Variants in RAPGEF2 observed in about 807,000 individuals in gnomAD.
The protein encoded by RAPGEF2 is PDZ domain containing guanine nucleotide exchange factor (GEF) 1.
In RAPGEF2, 54 loss-of-function variants were observed where a neutral mutation model predicts 186.7. The observed-to-expected ratio is 0.29, with a 90% confidence interval of 0.23 to 0.36. RAPGEF2 has a LOEUF of 0.36. Ranked by LOEUF, RAPGEF2 falls within the 10% of genes least tolerant of loss-of-function variation. The pLI, the probability that RAPGEF2 is intolerant of heterozygous loss-of-function variation, is 1.00. For synonymous variants in RAPGEF2, 712 were observed against 705.9 expected (o/e 1.01, Z -0.14); for missense variants, 1,532 against 2,045.0 (o/e 0.75, Z 4.84).
chr4:159,108,665 A>G (rs1028150362), intron 1 of RAPGEF2, among the ~76,000 whole-genome samples: 8 of 152,262 alleles, frequency 5.3e-5, no homozygotes, highest in Admixed American at 3.3e-4. Flanking sequence ...AAGAATCACA[A>G]TAAGGTCTTT....
rs1554025029 is a variant in RAPGEF2, at chr4:159,280,986, C to CTTCTTT, written c.544-23354_544-23353insCTTTTT. Among the ~76,000 whole-genome samples, 4 of 142,378 alleles carry CTTCTTT rather than the reference C, an allele frequency of 2.8e-5. 1 individual carries two copies. The highest frequency in any genetic ancestry group is 2.6e-5 in the African/African-American group (1 of 38,826). 93.4% of individuals were successfully genotyped at this position (142,378 alleles called of 152,430 possible). On this transcript the variant is annotated intron_variant, in intron 7 of 29. Transcript: ENST00000691494. ...GCGTAGACAAGTAATTTAACTACTTCTTTTTTTTTTTTTTTCCTGAGACGG... is the reference window on the plus strand; with the variant it reads ...GCGTAGACAAGTAATTTAACTACTTCTTCTTTTTTTTTTTTTTTTTTCCTGAGACGG...
At chr4:159,193,756 T>A (rs969752151) in intron 3 of RAPGEF2, among the ~76,000 whole-genome samples, 5 of 152,236 alleles carry the variant, frequency 3.3e-5, no homozygotes, top group Non-Finnish European at 4.4e-5. Context: ...AGCGTATTCT[T>A]AAAGAATATA....
intron 5 of RAPGEF2, among the ~76,000 whole-genome samples, chr4:159,239,579 AT>A (rs1238955985): frequency 2.6e-5 from 4 of 152,230 alleles, no homozygotes; most frequent in Non-Finnish European, 5.9e-5. Flanking sequence ...TATTGTTAAA[AT>A]AGATATTAGC....
chr4:159,316,926 C>T (rs1764675152), intron 9 of RAPGEF2, among the ~76,000 whole-genome samples: 1 of 152,166 alleles, frequency 6.6e-6, no homozygotes. Flanking sequence ...GAGCAACTTC[C>T]GTTGAGAGTC....
intron 1 of RAPGEF2, among the ~76,000 whole-genome samples, chr4:159,155,494 T>C (rs1744016075): frequency 6.6e-6 from 1 of 151,540 alleles, no homozygotes; most frequent in Non-Finnish European, 1.5e-5. Flanking sequence ...AGTTTCTTTG[T>C]AAGAAGTTTC....
Position 159,353,397 on chromosome 4 carries a change from T to C in RAPGEF2, c.4092-90T>C, listed in dbSNP as rs1026174174. 2.2e-5 allele frequency: 24 copies of C among 1,075,712 alleles called. No individual in the cohort carries two copies. The highest frequency in any genetic ancestry group is 3.0e-5 in the Non-Finnish European group (24 of 794,648). 66.6% of individuals were successfully genotyped at this position (1,075,712 alleles called of 1,614,324 possible). Reference sequence around the variant, plus strand: ...TTCTGGGATGAAAGCAAGCTACCTTTCTAGGAAAAAGGGTATTTTGGTTTT... The same window carrying C: ...TTCTGGGATGAAAGCAAGCTACCTTCCTAGGAAAAAGGGTATTTTGGTTTT... On this transcript the variant is annotated intron_variant, in intron 27 of 29. Coordinates refer to ENST00000691494, the MANE Select transcript of RAPGEF2 (RefSeq NM_001394067.2). This position sits in a 1 kb window ranked among gnomAD's most constrained non-coding sequence, Gnocchi z 4.3.
intron 7 of RAPGEF2, among the ~76,000 whole-genome samples, chr4:159,277,540 C>A (rs1759077937): frequency 6.6e-6 from 1 of 152,174 alleles, no homozygotes; most frequent in Non-Finnish European, 1.5e-5. Flanking sequence ...ACAGTCCCAC[C>A]AACAGTGTAA....
chr4:159,260,001 T>G lies in RAPGEF2; in HGVS notation c.543+16210T>G, dbSNP rs564153111. ...TTTGTTTTTATTATTATTTATTTATTTATTTTACTTTTTTGAGACAGGGTC... is the reference window on the plus strand; with the variant it reads ...TTTGTTTTTATTATTATTTATTTATGTATTTTACTTTTTTGAGACAGGGTC... On this transcript the variant is annotated intron_variant, in intron 7 of 29. Coordinates refer to ENST00000691494, the MANE Select transcript of RAPGEF2 (RefSeq NM_001394067.2). Among the ~76,000 whole-genome samples, 9 of 152,242 alleles carry G rather than the reference T, an allele frequency of 5.9e-5. No homozygotes were observed. The East Asian group carries it at 1.5e-3, about 26-fold the overall frequency.
intron 4 of RAPGEF2, among the ~76,000 whole-genome samples, chr4:159,228,917 GA>G (rs1456103814): frequency 6.6e-6 from 1 of 152,028 alleles, no homozygotes; most frequent in African/African-American, 2.4e-5. Flanking sequence ...TTTGAGAATG[GA>G]ATTGATGGCA....
intron 4 of RAPGEF2, among the ~76,000 whole-genome samples, chr4:159,218,120 G>T (rs1751154676): frequency 6.6e-6 from 1 of 152,178 alleles, no homozygotes; most frequent in Admixed American, 6.5e-5. Flanking sequence ...TTACAGAAGG[G>T]TAACTTTATT....
chr4:159,111,068 A>G (rs911573958), intron 1 of RAPGEF2, among the ~76,000 whole-genome samples: 1 of 149,888 alleles, frequency 6.7e-6, no homozygotes, highest in Non-Finnish European at 1.5e-5. Flanking sequence ...GCCACTACCT[A>G]CTGAATTTTA....
chr4:159,199,470 G>GTT (rs112495121), intron 3 of RAPGEF2, among the ~76,000 whole-genome samples: 22 of 145,564 alleles, frequency 1.5e-4, no homozygotes, highest in Admixed American at 5.5e-4. Flanking sequence ...GTTCCCGATG[G>GTT]TTTTTTTTTT....
chr4:159,140,583 G>GATA (rs774569151), intron 1 of RAPGEF2, among the ~76,000 whole-genome samples: 6 of 152,130 alleles, frequency 3.9e-5, no homozygotes, highest in Non-Finnish European at 8.8e-5. Context: ...TAGAGAAGTG[G>GATA]ATAACCAAGG....
chr4:159,116,339 A>G (rs183594719), intron 1 of RAPGEF2, among the ~76,000 whole-genome samples: 6 of 152,350 alleles, frequency 3.9e-5, no homozygotes, highest in South Asian at 2.1e-4. Context: ...AAAAAGCTCA[A>G]CATCACTGAT....
intron 1 of RAPGEF2, among the ~76,000 whole-genome samples, chr4:159,181,171 T>C (rs562807973): frequency 1.4e-4 from 21 of 152,322 alleles, no homozygotes; most frequent in African/African-American, 5.1e-4. Flanking sequence ...GCTAGCTTTT[T>C]ATCTTTGATT....
At chr4:159,336,690 T>C (rs1337209384) in intron 17 of RAPGEF2, among the ~76,000 whole-genome samples, 1 of 152,178 alleles carries the variant, frequency 6.6e-6, no homozygotes, top group Non-Finnish European at 1.5e-5. Flanking sequence ...AATTTTTGTC[T>C]TTAAAAAATG....
At chr4:159,118,078 CCA>C (rs1161695957) in intron 1 of RAPGEF2, among the ~76,000 whole-genome samples, 1 of 152,058 alleles carries the variant, frequency 6.6e-6, no homozygotes, top group African/African-American at 2.4e-5. Flanking sequence ...AACCCCTGGG[CCA>C]CAGACTGGTA....
At position 159,200,367 on chromosome 4, in the gene RAPGEF2, C is replaced by T. The variant is rs1749275238; in HGVS notation, c.197+7111C>T. Among the ~76,000 whole-genome samples the T allele has an allele frequency of 2.0e-5, 3 of 152,050 alleles. 1 individual carries two copies. In the South Asian group the frequency reaches 6.2e-4, roughly 32 times the overall value. On this transcript the variant is annotated intron_variant, in intron 3 of 29. Transcript: ENST00000691494. ...TGTGGTCCCAGCACTGCTCAGGAGG[C>T]TGAGGTGGGAAGGTCACTTGAGCCT...
At chr4:159,179,394 TTC>T (rs1746788513) in intron 1 of RAPGEF2, among the ~76,000 whole-genome samples, 1 of 152,128 alleles carries the variant, frequency 6.6e-6, no homozygotes, top group African/African-American at 2.4e-5. Context: ...TGAAATTTCC[TTC>T]TATGAATGTT....
Sources: gnomAD v4.1 joint callset for allele counts (sites outside exome capture counted in the v4.1 genomes callset) on GRCh38, gnomAD v4.1.1 for gene constraint, Gnocchi (gnomAD v3.1) non-coding constraint, MANE v1.5 for transcripts, NCBI Gene and HGNC (gene_info 2026-07-23, HGNC 2026-07-21) for gene names.